Variants in CTDSP1 observed in about 807,000 individuals in gnomAD.
CTDSP1 encodes CTD small phosphatase 1, also known as carboxy-terminal domain RNA polymerase II polypeptide A small phosphatase 1.
Under a neutral mutation model 32.5 loss-of-function variants are expected in CTDSP1, and 15 were observed. That is an observed-to-expected ratio of 0.46 (90% confidence interval 0.31 to 0.71). CTDSP1 has a LOEUF of 0.71. CTDSP1 is among the 30% of genes least tolerant of loss of function. The pLI is 0.05. For missense variants in CTDSP1, 294 were observed against 351.1 expected, an observed-to-expected ratio of 0.84 and a Z score of 1.30; for synonymous variants, 185 against 145.4, an observed-to-expected ratio of 1.27 and a Z score of -1.96.
chr2:218,402,690 A>G (rs1391641671), intron 4 of CTDSP1: 2 of 763,284 alleles, frequency 2.6e-6, no homozygotes, highest in African/African-American at 1.7e-5. Flanking sequence ...TGTGCTGTCC[A>G]GCCTGTTCTC....
upstream of CTDSP1, chr2:218,396,501 G>A (rs1415884198): frequency 2.0e-5 from 3 of 152,478 alleles, no homozygotes; most frequent in Admixed American, 6.5e-5. Context: ...CAGGCGGCCT[G>A]GCTCCGCGCT....
rs1697379344 is a variant in CTDSP1, at chr2:218,405,822, G to C, written c.*1397G>C. ...GATGTCGTTGTGCTCCCCTCCCCCA[G>C]AGCGGGTGGGCGGGGGGTGAATATG... On this transcript the variant is annotated 3_prime_UTR_variant, in exon 7 of 7. Coordinates refer to ENST00000273062, the MANE Select transcript of CTDSP1 (RefSeq NM_021198.3). The C allele has an allele frequency of 6.5e-6, 1 of 153,220 alleles. No homozygotes were observed. Among genetic ancestry groups the C allele is most frequent in the Non-Finnish European group, 1.5e-5 (1 of 68,390 alleles). The allele number at this position is 153,220 out of a possible 1,614,324, so 9.5% of individuals were successfully genotyped here.
rs1574803670 is a variant in CTDSP1, at chr2:218,405,559, G to A, written c.*1134G>A. On this transcript the variant is annotated 3_prime_UTR_variant, in exon 7 of 7. Coordinates refer to ENST00000273062, the MANE Select transcript of CTDSP1 (RefSeq NM_021198.3). ...GGAGGTGGGACCTTCTGTGGGGTTT[G>A]GGGATCTCCAGGAAGCCCGACCAAG... 6.5e-6 allele frequency: 1 copy of A among 153,038 alleles called. No individual in the cohort carries two copies. Among genetic ancestry groups the A allele is most frequent in the Non-Finnish European group, 1.5e-5 (1 of 68,340 alleles). 9.5% of individuals were successfully genotyped at this position (153,038 alleles called of 1,614,324 possible). A position where few individuals can be genotyped will look rare whatever the true frequency, so the allele number is the denominator to read the frequency against.
chr2:218,397,240 C>G (rs1378580820), upstream of CTDSP1, among the ~76,000 whole-genome samples: 1 of 152,172 alleles, frequency 6.6e-6, no homozygotes, highest in Non-Finnish European at 1.5e-5. Context: ...GTGATGAGGT[C>G]GCGCCAAGGT....
Position 218,399,923 on chromosome 2 carries a change from C to T in CTDSP1, c.-168C>T. 8.1e-7 allele frequency: 1 copy of T among 1,234,368 alleles called. No individual in the cohort carries two copies. Among genetic ancestry groups the T allele is most frequent in the African/African-American group, 1.6e-5 (1 of 63,026 alleles). 76.5% of individuals were successfully genotyped at this position (1,234,368 alleles called of 1,614,324 possible). On this transcript the variant is annotated 5_prime_UTR_variant, in exon 1 of 7. Transcript: ENST00000273062. ...TTGTAACAAAGTTTCCTCCGCGCCC[C>T]CTCCCTCCCCCTCCCCCCTAGAACC...
At chr2:218,398,544 C>G, upstream of CTDSP1, 1 of 1,211,410 alleles carries the variant, frequency 8.3e-7, no homozygotes, top group Non-Finnish European at 1.1e-6. Flanking sequence ...GCCGCCGCGC[C>G]TTCTGGCAGA....
upstream of CTDSP1, chr2:218,396,706 AAGG>A (rs1334983004): frequency 4.6e-5 from 7 of 152,536 alleles, no homozygotes; most frequent in South Asian, 2.1e-4. Context: ...ATGCCAGCTG[AAGG>A]AGGAGATGGA....
upstream of CTDSP1, chr2:218,398,260 G>A (rs1325519779): frequency 9.9e-6 from 7 of 707,050 alleles, no homozygotes; most frequent in African/African-American, 7.4e-5. Context: ...TAGACCCGAA[G>A]CACGTCGCTT....
At position 218,402,038 on chromosome 2, in the gene CTDSP1, G is replaced by A; in HGVS notation, c.217-73G>A. 9.5e-6 allele frequency: 10 copies of A among 1,057,676 alleles called. No homozygotes were observed. In the East Asian group the frequency reaches 1.8e-4, roughly 19 times the overall value. The allele number at this position is 1,057,676 out of a possible 1,614,324, so 65.5% of individuals were successfully genotyped here. On this transcript the variant is annotated intron_variant, in intron 2 of 6. Transcript: ENST00000273062. ...CTGGGGTTCCTCTGGAGACGGCTAG[G>A]GGGAGAAGCCTGCGTGGGAGGAAGG...
chr2:218,401,344 T>C (rs926417334), intron 1 of CTDSP1: 2 of 591,876 alleles, frequency 3.4e-6, no homozygotes, highest in East Asian at 2.9e-5. Context: ...GGCGCCTTAA[T>C]ACCTGCTAGA....
rs1420766541 is a variant in CTDSP1, at chr2:218,404,684, C to G, written c.*259C>G. On this transcript the variant is annotated 3_prime_UTR_variant, in exon 7 of 7. Transcript: ENST00000273062. The stretch of plus-strand genomic sequence containing the variant: ...CAGGGGACCTGGGGGGCCCTGCCTG[C>G]TGCTCCCTTTTTCTGTCTCTGTCCA... 2.2e-6 allele frequency: 1 copy of G among 446,656 alleles called. No homozygotes were observed. The highest frequency in any genetic ancestry group is 4.0e-6 in the Non-Finnish European group (1 of 250,640). The allele number at this position is 446,656 out of a possible 1,614,324, so 27.7% of individuals were successfully genotyped here. A position where few individuals can be genotyped will look rare whatever the true frequency, so the allele number is the denominator to read the frequency against.
intron 4 of CTDSP1, 26 bp downstream of exon 4, chr2:218,402,431 G>A: frequency 1.3e-6 from 2 of 1,597,636 alleles, no homozygotes; most frequent in South Asian, 1.1e-5. Context: ...AGGCAGTGGT[G>A]GGCTTGGCAT....
chr2:218,401,847 C>A (rs1559136500), intron 2 of CTDSP1, 135 bp downstream of exon 2: 3 of 877,984 alleles, frequency 3.4e-6, no homozygotes, highest in Non-Finnish European at 5.1e-6. Flanking sequence ...GTGGCAGCCT[C>A]CCCTGCCAGG....
upstream of CTDSP1, chr2:218,398,325 T>C (rs534752130): frequency 6.4e-6 from 8 of 1,241,940 alleles, no homozygotes; most frequent in East Asian, 2.1e-4. Context: ...AGGAGGCCGT[T>C]CTAAGGGGTA....
At chr2:218,403,755 A>C (rs1041982811) in intron 6 of CTDSP1, 11 of 247,578 alleles carry the variant, frequency 4.4e-5, no homozygotes, top group Middle Eastern at 1.2e-3. Flanking sequence ...ATTTTAACAA[A>C]ATGAAATAGA....
chr2:218,399,120 T>A (rs1005110864), upstream of CTDSP1: 2 of 152,190 alleles, frequency 1.3e-5, no homozygotes, highest in African/African-American at 2.4e-5. Flanking sequence ...GAAGGTGGCA[T>A]TTCCTCGAGG....
Position 218,399,992 on chromosome 2 carries a change from A to G in CTDSP1, c.-99A>G. ...GAGCTCGCGGGGATCCCTCCCTCCC[A>G]CCCCTCCCCTCCCCCCCGCGCCCCG... On this transcript the variant is annotated 5_prime_UTR_variant, in exon 1 of 7. Coordinates refer to ENST00000273062, the MANE Select transcript of CTDSP1 (RefSeq NM_021198.3). The G allele has an allele frequency of 5.2e-6, 1 of 193,826 alleles. No homozygotes were observed. The highest frequency in any genetic ancestry group is 2.2e-4 in the Admixed American group (1 of 4,504). The allele number at this position is 193,826 out of a possible 1,614,324, so 12.0% of individuals were successfully genotyped here.
Position 218,405,554 on chromosome 2 carries a change from G to A in CTDSP1, c.*1129G>A, listed in dbSNP as rs1158604563. ...CTGTAGGAGGTGGGACCTTCTGTGGGGTTTGGGGATCTCCAGGAAGCCCGA... is the reference window on the plus strand; with the variant it reads ...CTGTAGGAGGTGGGACCTTCTGTGGAGTTTGGGGATCTCCAGGAAGCCCGA... On this transcript the variant is annotated 3_prime_UTR_variant, in exon 7 of 7. Coordinates refer to ENST00000273062, the MANE Select transcript of CTDSP1 (RefSeq NM_021198.3). The A allele has an allele frequency of 6.5e-6, 1 of 153,036 alleles. No individual in the cohort carries two copies. Among genetic ancestry groups the A allele is most frequent in the Non-Finnish European group, 1.5e-5 (1 of 68,336 alleles). 9.5% of individuals were successfully genotyped at this position (153,036 alleles called of 1,614,324 possible).
intron 1 of CTDSP1, chr2:218,401,093 C>G: frequency 2.6e-6 from 1 of 378,054 alleles, no homozygotes. Flanking sequence ...GGGACTGCAC[C>G]CCTGCCTCTG....
Sources: allele counts gnomAD v4.1 joint callset (sites outside exome capture counted in the v4.1 genomes callset), GRCh38; gene constraint gnomAD v4.1.1; transcripts MANE v1.5; gene names NCBI Gene and HGNC (gene_info 2026-07-23, HGNC 2026-07-21).